The following OLFM3 variants were observed in gnomAD, a reference collection of about 807,000 sequenced individuals.
OLFM3 encodes noelin-3.
OLFM3 carries 20 observed loss-of-function variants against 48.6 expected under a neutral mutation model. That is an observed-to-expected ratio of 0.41 (90% CI 0.29 to 0.60). The LOEUF (loss-of-function observed/expected upper bound fraction) is 0.60. OLFM3 is among the 20% of genes least tolerant of loss of function. The pLI, the probability that OLFM3 is intolerant of heterozygous loss-of-function variation, is 0.28. For missense variants in OLFM3, 437 were observed against 544.3 expected (o/e 0.80, Z 1.96); for synonymous variants, 222 against 198.1 (o/e 1.12, Z -1.01).
chr1:101,903,892 A>G (rs1658472178), intron 1 of OLFM3, among the ~76,000 whole-genome samples: 1 of 152,088 alleles, frequency 6.6e-6, no homozygotes, highest in African/African-American at 2.4e-5. Flanking sequence ...TAAATGACTG[A>G]TTACAATAAG....
Position 101,967,313 on chromosome 1 carries a change from A to AGC in OLFM3, c.69+29434_69+29435insGC, listed in dbSNP as rs34757797. On this transcript the variant is annotated intron_variant, in intron 1 of 5. Transcript: ENST00000370103. ...TCATTTTGGCCAAAAAACAAAAAAA[A>AGC]CAAATACCATGACCCCTGTGGCTAT... is the stretch of plus-strand genomic sequence containing the variant. Among the ~76,000 whole-genome samples the AGC allele has an allele frequency of 6.3e-3, 955 of 151,446 alleles. 8 individuals carry two copies. Among genetic ancestry groups the AGC allele is most frequent in the East Asian group, 0.033 (170 of 5,146 alleles).
chr1:101,887,760 T>G (rs1657822037), intron 1 of OLFM3, among the ~76,000 whole-genome samples: 1 of 151,924 alleles, frequency 6.6e-6, no homozygotes, highest in African/African-American at 2.4e-5. Context: ...TGTGTATAAG[T>G]AATATAAACA....
At chr1:101,946,671 C>G (rs532036414) in intron 1 of OLFM3, among the ~76,000 whole-genome samples, 162 of 152,254 alleles carry the variant, frequency 1.1e-3, no homozygotes, top group Non-Finnish European at 1.9e-3. Flanking sequence ...AATAGTGTAT[C>G]AGGCACTGCC....
At chr1:101,888,722 A>C (rs1483053284) in intron 1 of OLFM3, among the ~76,000 whole-genome samples, 2 of 152,150 alleles carry the variant, frequency 1.3e-5, no homozygotes, top group Admixed American at 6.5e-5. Flanking sequence ...CAACCTACAG[A>C]ATGGGAGAAA....
At chr1:101,944,179 A>T (rs7527254) in intron 1 of OLFM3, among the ~76,000 whole-genome samples, 47 of 151,754 alleles carry the variant, frequency 3.1e-4, no homozygotes, top group Non-Finnish European at 5.3e-4. Flanking sequence ...TTTTATTATC[A>T]CATATAAATT....
intron 1 of OLFM3, among the ~76,000 whole-genome samples, chr1:101,945,412 A>G (rs1659930427): frequency 6.6e-6 from 1 of 152,200 alleles, no homozygotes; most frequent in African/African-American, 2.4e-5. Flanking sequence ...TAAAGAGTAT[A>G]TATGGTATGA....
At position 101,883,130 on chromosome 1, in the gene OLFM3, A is replaced by G. The variant is rs568317801; in HGVS notation, c.70-46105T>C. Among the ~76,000 whole-genome samples, 14 of 151,918 alleles carry G rather than the reference A, an allele frequency of 9.2e-5. No homozygotes were observed. The East Asian group carries it at 2.7e-3, about 30-fold the overall frequency. On this transcript the variant is annotated intron_variant, in intron 1 of 5. Coordinates refer to ENST00000370103, the MANE Select transcript of OLFM3 (RefSeq NM_058170.4). ...CTTCTATCAGCCAATCTTACTCTGC[A>G]AAACTGTCCCAGGTAGCTGTCATCT...
intron 1 of OLFM3, among the ~76,000 whole-genome samples, chr1:101,958,079 A>G (rs542441543): frequency 3.3e-5 from 5 of 152,182 alleles, no homozygotes; most frequent in African/African-American, 1.2e-4. Context: ...TATATCACCT[A>G]TTCTGTCTCT....
Position 101,804,130 on chromosome 1 carries a change from G to T in OLFM3, c.*108C>A. 2 of 867,790 alleles carry T rather than the reference G, an allele frequency of 2.3e-6. No individual in the cohort carries two copies. Among genetic ancestry groups the T allele is most frequent in the Non-Finnish European group, 1.7e-6 (1 of 593,236 alleles). 53.8% of individuals were successfully genotyped at this position (867,790 alleles called of 1,614,324 possible). ...ACCAACTTTACAATAAAAATGCTTT[G>T]CTTTGGAGAAATGATGAAAAATAAT... On this transcript the variant is annotated 3_prime_UTR_variant, in exon 6 of 6. Transcript: ENST00000370103. The surrounding 1 kb of genome is among the most constrained non-coding windows in gnomAD (Gnocchi z 4.5).
chr1:101,846,282 T>C (rs1202695782), intron 1 of OLFM3, among the ~76,000 whole-genome samples: 3 of 152,186 alleles, frequency 2.0e-5, no homozygotes, highest in Non-Finnish European at 4.4e-5. Context: ...GTAAGTTTTC[T>C]ATTGCTCATG....
chr1:101,828,212 G>A (rs747073241), intron 3 of OLFM3, among the ~76,000 whole-genome samples: 1 of 152,066 alleles, frequency 6.6e-6, no homozygotes, highest in Non-Finnish European at 1.5e-5. Context: ...TCTCAGCACA[G>A]ATCTTTATAG....
At chr1:101,829,213 CTG>C (rs1420871443) in intron 3 of OLFM3, among the ~76,000 whole-genome samples, 1 of 152,174 alleles carries the variant, frequency 6.6e-6, no homozygotes, top group Non-Finnish European at 1.5e-5. Flanking sequence ...ATATTCTTCT[CTG>C]TTTACCATTT....
Position 101,955,736 on chromosome 1 carries a change from G to T in OLFM3, c.69+41012C>A, listed in dbSNP as rs78345068. On this transcript the variant is annotated intron_variant, in intron 1 of 5. Coordinates refer to ENST00000370103, the MANE Select transcript of OLFM3 (RefSeq NM_058170.4). ...TTGGAATAATCTCATTTACCCAATG[G>T]TTTCAACTATCTGAAATGTGTTGAT... is the stretch of plus-strand genomic sequence containing the variant. Among the ~76,000 whole-genome samples, 25 of 151,902 alleles carry T rather than the reference G, an allele frequency of 1.6e-4. No individual in the cohort carries two copies. The East Asian group carries it at 4.6e-3, about 28-fold the overall frequency.
At position 101,804,324 on chromosome 1, in the gene OLFM3, G is replaced by A. The variant is rs746105423; in HGVS notation, c.1291C>T (p.Arg431Ter). Residue 431 changes from arginine to a stop codon, truncating the protein, a stop_gained, in exon 6 of 6, where the codon CGA (arginine) becomes TGA (stop). Transcript: ENST00000370103. LOFTEE classifies it high-confidence loss of function. This position sits in a 1 kb window ranked among gnomAD's most constrained non-coding sequence, Gnocchi z 4.5. ...ISMLDYNARD[R>*]ALYAWNNGHQ... Reference sequence around the variant, plus strand: ...CCATTGTTCCAGGCATAGAGAGCTCGATCTCTTGCATTGTAGTCAAGCATG... The same window carrying A: ...CCATTGTTCCAGGCATAGAGAGCTCAATCTCTTGCATTGTAGTCAAGCATG... The A allele has an allele frequency of 8.1e-6, 13 of 1,612,264 alleles. No homozygotes were observed. The highest frequency in any genetic ancestry group is 1.3e-5 in the African/African-American group (1 of 74,846).
intron 1 of OLFM3, among the ~76,000 whole-genome samples, chr1:101,958,275 A>G (rs1372912691): frequency 1.3e-5 from 2 of 152,120 alleles, no homozygotes; most frequent in African/African-American, 2.4e-5. Flanking sequence ...AAATCTTTGC[A>G]ATATTAGAAT....
chr1:101,996,666 T>A, intron 1 of OLFM3, 82 bp downstream of exon 1: 2 of 1,436,056 alleles, frequency 1.4e-6, no homozygotes, highest in Non-Finnish European at 2.0e-6. Flanking sequence ...CGTCCCGTTT[T>A]TGACATATTT....
intron 1 of OLFM3, among the ~76,000 whole-genome samples, chr1:101,867,451 A>T (rs1050237626): frequency 6.6e-6 from 1 of 152,206 alleles, no homozygotes; most frequent in Non-Finnish European, 1.5e-5. Context: ...TCAGCCACAC[A>T]ATGTTTATAA....
At chr1:101,971,136 C>T (rs192960189) in intron 1 of OLFM3, among the ~76,000 whole-genome samples, 241 of 152,222 alleles carry the variant, frequency 1.6e-3, no homozygotes, top group Non-Finnish European at 3.0e-3. Flanking sequence ...TGCTGATGGC[C>T]AGGTATTATT....
At chr1:101,872,901 G>GA (rs35722787) in intron 1 of OLFM3, among the ~76,000 whole-genome samples, 14 of 151,336 alleles carry the variant, frequency 9.3e-5, no homozygotes, top group Non-Finnish European at 2.1e-4. Context: ...TTAGTTTTAG[G>GA]AAAAAAAGGT....
Sources: allele counts gnomAD v4.1 joint callset (sites outside exome capture counted in the v4.1 genomes callset), GRCh38; gene constraint gnomAD v4.1.1; non-coding constraint Gnocchi (gnomAD v3.1); transcripts MANE v1.5; gene names NCBI Gene and HGNC (gene_info 2026-07-23, HGNC 2026-07-21).